The following ARHGEF38 variants were observed in gnomAD, a reference collection of about 807,000 sequenced individuals.
ARHGEF38 encodes the protein Rho guanine nucleotide exchange factor 38, also known as Rho guanine nucleotide exchange factor (GEF) 38.
Under a neutral mutation model 79.9 loss-of-function variants are expected in ARHGEF38, and 79 were observed. That is an observed-to-expected ratio of 0.99 (90% CI 0.82 to 1.19). The LOEUF is 1.19. Among genes scored for constraint, ARHGEF38 ranks in the 50% most tolerant of loss-of-function variants. The pLI is 0.00. For synonymous variants in ARHGEF38, 366 were observed against 328.3 expected, an observed-to-expected ratio of 1.11 and a Z score of -1.24; for missense variants, 962 against 907.2, an observed-to-expected ratio of 1.06 and a Z score of -0.78.
chr4:105,617,507 C>T (rs1199415492), intron 3 of ARHGEF38, among the ~76,000 whole-genome samples: 3 of 152,188 alleles, frequency 2.0e-5, no homozygotes, highest in South Asian at 2.1e-4. Flanking sequence ...ACTATACACT[C>T]TCTTTCCTGC....
chr4:105,622,460 A>C (rs755513083), intron 3 of ARHGEF38, among the ~76,000 whole-genome samples: 41 of 152,198 alleles, frequency 2.7e-4, no homozygotes, highest in Admixed American at 1.3e-3. Flanking sequence ...ATGGCCTTTG[A>C]AGTGAAACAG....
At chr4:105,585,025 T>C (rs1726967167) in intron 1 of ARHGEF38, among the ~76,000 whole-genome samples, 1 of 152,204 alleles carries the variant, frequency 6.6e-6, no homozygotes, top group Non-Finnish European at 1.5e-5. Flanking sequence ...CCTATTTTTT[T>C]TCCTCTTCCT....
rs1021882662 is a variant in ARHGEF38, at chr4:105,680,676, A to G, written c.*2739A>G. 6.6e-6 allele frequency: 1 copy of G among 152,502 alleles called. No homozygotes were observed. Among genetic ancestry groups the G allele is most frequent in the African/African-American group, 2.4e-5 (1 of 41,458 alleles). 9.4% of individuals were successfully genotyped at this position (152,502 alleles called of 1,614,324 possible). A position where few individuals can be genotyped will look rare whatever the true frequency, so the allele number is the denominator to read the frequency against. On this transcript the variant is annotated 3_prime_UTR_variant, in exon 14 of 14. Transcript: ENST00000420470. Reference sequence around the variant, plus strand: ...TACCAAACTGAGCTAAATACGGTATATGTGTACTTATACATATGTACATAA... The same window carrying G: ...TACCAAACTGAGCTAAATACGGTATGTGTGTACTTATACATATGTACATAA...
chr4:105,648,832 CTCTCTCTCTCTCTCTT>C lies in ARHGEF38; in HGVS notation c.1008+166_1008+181del, dbSNP rs1184963337. The C allele has an allele frequency of 5.0e-4, 329 of 654,028 alleles. 2 individuals carry two copies. The African/African-American group carries it at 5.2e-3, about 10-fold the overall frequency. The allele number at this position is 654,028 out of a possible 1,614,324, so 40.5% of individuals were successfully genotyped here. ...TTCTCTTGTCTCCCTCTCTCTCTCT[CTCTCTCTCTCTCTCTT>C]TCTCTCTCTCTCTCTCTCTCTCTGG... On this transcript the variant is annotated intron_variant, in intron 7 of 13. Transcript: ENST00000420470.
intron 4 of ARHGEF38, chr4:105,631,398 G>A (rs1729187931): frequency 2.0e-6 from 2 of 994,546 alleles, no homozygotes; most frequent in South Asian, 9.1e-5. Flanking sequence ...GTGGCCCCAT[G>A]ACCACTGGAG....
intron 4 of ARHGEF38, among the ~76,000 whole-genome samples, chr4:105,635,489 C>T (rs747427935): frequency 2.0e-5 from 3 of 151,844 alleles, no homozygotes; most frequent in Non-Finnish European, 4.4e-5. Context: ...AAAAGAATAA[C>T]CTTCTCTTTC....
At chr4:105,650,716 G>C (rs1241409512) in intron 7 of ARHGEF38, among the ~76,000 whole-genome samples, 1 of 152,116 alleles carries the variant, frequency 6.6e-6, no homozygotes, top group Admixed American at 6.6e-5. Flanking sequence ...TCTTGTGACT[G>C]TACCAAATTT....
chr4:105,679,366 G>T lies in ARHGEF38; in HGVS notation c.*1429G>T. ...CAAACACCCATATTTCCTTTCAGGA[G>T]GCACACTCTGGTAATCTGAGACACT... On this transcript the variant is annotated 3_prime_UTR_variant, in exon 14 of 14. Coordinates refer to ENST00000420470, the MANE Select transcript of ARHGEF38 (RefSeq NM_001242729.2). 1 of 1,185,476 alleles carries T rather than the reference G, an allele frequency of 8.4e-7. No homozygotes were observed. The highest frequency in any genetic ancestry group is 1.3e-6 in the Non-Finnish European group (1 of 795,562). 73.4% of individuals were successfully genotyped at this position (1,185,476 alleles called of 1,614,324 possible). A position where few individuals can be genotyped will look rare whatever the true frequency, so the allele number is the denominator to read the frequency against.
intron 9 of ARHGEF38, among the ~76,000 whole-genome samples, chr4:105,657,270 G>C (rs962702369): frequency 6.6e-6 from 1 of 152,106 alleles, no homozygotes. Context: ...CAGCAAGCAT[G>C]CTCCAGACTT....
At position 105,609,580 on chromosome 4, in the gene ARHGEF38, G is replaced by T. The variant is rs373949204; in HGVS notation, c.385-3804G>T. On this transcript the variant is annotated intron_variant, in intron 2 of 13. Transcript: ENST00000420470. ...CAATTCCTATTAAAATTTCAATGAC[G>T]TGTTTCATAGAAATAGAAAGACAAC... 7.2e-5 allele frequency among the ~76,000 whole-genome samples: 11 copies of T among 152,018 alleles called. No individual in the cohort carries two copies. In the South Asian group the frequency reaches 2.1e-3, roughly 29 times the overall value.
chr4:105,632,131 A>G (rs536837000), intron 4 of ARHGEF38, among the ~76,000 whole-genome samples: 1 of 152,292 alleles, frequency 6.6e-6, no homozygotes, highest in East Asian at 1.9e-4. Context: ...CCCGGCTAGA[A>G]TTGGGTCTGA....
At chr4:105,565,950 A>G (rs1391069201) in intron 1 of ARHGEF38, among the ~76,000 whole-genome samples, 1 of 152,084 alleles carries the variant, frequency 6.6e-6, no homozygotes, top group Non-Finnish European at 1.5e-5. Context: ...TGGCAATTAG[A>G]CTAAGCTTAA....
intron 1 of ARHGEF38, among the ~76,000 whole-genome samples, chr4:105,584,992 G>A (rs1726964790): frequency 6.6e-6 from 1 of 152,124 alleles, no homozygotes; most frequent in African/African-American, 2.4e-5. Flanking sequence ...GCTTTGTTCT[G>A]ACTTTCCTCC....
intron 3 of ARHGEF38, among the ~76,000 whole-genome samples, chr4:105,623,292 G>A (rs11937075): frequency 0.023 from 3,524 of 152,258 alleles, 125 homozygotes; most frequent in African/African-American, 0.072. Flanking sequence ...TGTTACTGTC[G>A]TCACTGAGTC....
At chr4:105,576,681 G>C (rs1189554310) in intron 1 of ARHGEF38, among the ~76,000 whole-genome samples, 1 of 152,020 alleles carries the variant, frequency 6.6e-6, no homozygotes, top group East Asian at 1.9e-4. Context: ...TTACCTGTTT[G>C]CTCTGGCTAG....
chr4:105,559,280 A>G (rs1725403452), intron 1 of ARHGEF38, among the ~76,000 whole-genome samples: 1 of 152,156 alleles, frequency 6.6e-6, no homozygotes. Context: ...TTTTCTGTTC[A>G]ACAGGCCTCA....
chr4:105,639,439 C>T (rs1729532366), intron 5 of ARHGEF38, among the ~76,000 whole-genome samples: 1 of 151,804 alleles, frequency 6.6e-6, no homozygotes, highest in Admixed American at 6.6e-5. Context: ...GATTTTGTGT[C>T]TGCCTTAGAA....
chr4:105,680,374 G>A lies in ARHGEF38; in HGVS notation c.*2437G>A, dbSNP rs1006482411. On this transcript the variant is annotated 3_prime_UTR_variant, in exon 14 of 14. Coordinates refer to ENST00000420470, the MANE Select transcript of ARHGEF38 (RefSeq NM_001242729.2). ...ATCTGTCCATTCATTCATTGAACCAGTAAGTATTTATTGAGAGTTAGTGGG... is the reference window on the plus strand; with the variant it reads ...ATCTGTCCATTCATTCATTGAACCAATAAGTATTTATTGAGAGTTAGTGGG... 1 of 234,974 alleles carries A rather than the reference G, an allele frequency of 4.3e-6. No homozygotes were observed. The highest frequency in any genetic ancestry group is 8.4e-6 in the Non-Finnish European group (1 of 118,390). The allele number at this position is 234,974 out of a possible 1,614,324, so 14.6% of individuals were successfully genotyped here.
In ARHGEF38 at chr4:105,623,760, A is replaced by T. The variant is rs192564062; in HGVS notation, c.509-7138A>T. On this transcript the variant is annotated intron_variant, in intron 3 of 13. Transcript: ENST00000420470. ...CAGTAAGAGCTGATTTGCCCAATTT[A>T]TATTAGTAACTCTGGACACTCTCAG... is the stretch of plus-strand genomic sequence containing the variant. Among the ~76,000 whole-genome samples the T allele has an allele frequency of 3.9e-5, 6 of 152,306 alleles. No individual in the cohort carries two copies. In the East Asian group the frequency reaches 1.2e-3, roughly 29 times the overall value.
Sources: allele counts gnomAD v4.1 joint callset (sites outside exome capture counted in the v4.1 genomes callset), GRCh38; gene constraint gnomAD v4.1.1; transcripts MANE v1.5; gene names NCBI Gene and HGNC (gene_info 2026-07-23, HGNC 2026-07-21).